Variants in SSBP2 observed in about 807,000 individuals in gnomAD.
SSBP2 encodes the protein single-stranded DNA-binding protein 2.
Under a neutral mutation model 61.8 loss-of-function variants are expected in SSBP2, and 17 were observed. The observed-to-expected ratio is 0.28, with a 90% confidence interval of 0.19 to 0.41. The LOEUF is 0.41. Among genes scored for constraint, SSBP2 ranks in the 10% least tolerant of loss-of-function variants. The probability of loss-of-function intolerance (pLI) is 1.00; values close to 1 mark genes in which losing one functional copy is unlikely to be tolerated. For missense variants in SSBP2, 310 were observed against 458.7 expected, an observed-to-expected ratio of 0.68 and a Z score of 2.96; for synonymous variants, 139 against 141.3, an observed-to-expected ratio of 0.98 and a Z score of 0.12.
intron 14 of SSBP2, 164 bp from the exon 15 acceptor site, chr5:81,437,622 G>C: frequency 1.9e-6 from 1 of 514,460 alleles, no homozygotes; most frequent in Non-Finnish European, 3.4e-6. Flanking sequence ...ACAGTATAGT[G>C]AATCAGTACC....
intron 1 of SSBP2, among the ~76,000 whole-genome samples, chr5:81,683,038 C>A (rs1561687941): frequency 6.6e-6 from 1 of 152,088 alleles, no homozygotes; most frequent in South Asian, 2.1e-4. Flanking sequence ...GAGAGCGATA[C>A]CATGTTCATG....
chr5:81,585,997 AG>A (rs1286940131), intron 4 of SSBP2, among the ~76,000 whole-genome samples: 1 of 152,176 alleles, frequency 6.6e-6, no homozygotes, highest in Non-Finnish European at 1.5e-5. Context: ...AAGGCTGACT[AG>A]TATTTCATTA....
At chr5:81,581,608 T>G (rs1774654260) in intron 4 of SSBP2, among the ~76,000 whole-genome samples, 1 of 152,206 alleles carries the variant, frequency 6.6e-6, no homozygotes, top group Non-Finnish European at 1.5e-5. Flanking sequence ...TGTAGCTCCT[T>G]ATTGCCTAAA....
intron 3 of SSBP2, among the ~76,000 whole-genome samples, chr5:81,619,581 G>A (rs1358177429): frequency 6.8e-6 from 1 of 147,734 alleles, no homozygotes; most frequent in African/African-American, 2.5e-5. Context: ...AGAAAAAGAG[G>A]GAATCCTCCC....
At chr5:81,464,072 A>G (rs1764731303) in intron 9 of SSBP2, among the ~76,000 whole-genome samples, 1 of 152,064 alleles carries the variant, frequency 6.6e-6, no homozygotes, top group Admixed American at 6.6e-5. Flanking sequence ...CTTGGCCTGA[A>G]AAATCCTCTT....
At chr5:81,541,484 C>T (rs1771267273) in intron 4 of SSBP2, among the ~76,000 whole-genome samples, 1 of 144,130 alleles carries the variant, frequency 6.9e-6, no homozygotes, top group Admixed American at 6.9e-5. Flanking sequence ...TGAAAAAAAA[C>T]AAAGCCAGAG....
intron 15 of SSBP2, among the ~76,000 whole-genome samples, chr5:81,429,257 T>C (rs1204131736): frequency 6.6e-6 from 1 of 152,220 alleles, no homozygotes; most frequent in African/African-American, 2.4e-5. Flanking sequence ...TATGTACTCT[T>C]AGAGGAAAAG....
chr5:81,592,233 A>T (rs1775571575), intron 4 of SSBP2, among the ~76,000 whole-genome samples: 1 of 152,226 alleles, frequency 6.6e-6, no homozygotes, highest in Admixed American at 6.5e-5. Flanking sequence ...AGTCTCGCTC[A>T]TTGCTAGCAC....
intron 4 of SSBP2, 30 bp from the exon 5 acceptor site, chr5:81,513,747 T>C (rs757094244): frequency 2.0e-6 from 3 of 1,484,706 alleles, no homozygotes; most frequent in Admixed American, 3.5e-5. Flanking sequence ...AACAAACCTA[T>C]ATCATTACAG....
At chr5:81,522,135 A>C (rs908010946) in intron 4 of SSBP2, among the ~76,000 whole-genome samples, 1 of 152,072 alleles carries the variant, frequency 6.6e-6, no homozygotes, top group African/African-American at 2.4e-5. Flanking sequence ...AAAGTAACCC[A>C]AAAATTCATC....
At chr5:81,422,785 A>G (rs1761692889) in intron 16 of SSBP2, among the ~76,000 whole-genome samples, 2 of 152,238 alleles carry the variant, frequency 1.3e-5, no homozygotes, top group African/African-American at 4.8e-5. Flanking sequence ...GTCATAGACA[A>G]ATGCTGATGA....
At position 81,527,238 on chromosome 5, in the gene SSBP2, T is replaced by C. The variant is rs528428433; in HGVS notation, c.283-13521A>G. On this transcript the variant is annotated intron_variant, in intron 4 of 16. Transcript: ENST00000320672. ...TTTTTAAATAGATAACTCTGGTAGC[T>C]CTTTGAGAAAATGAAATAGACAAGA... 5.3e-5 allele frequency among the ~76,000 whole-genome samples: 8 copies of C among 152,156 alleles called. No individual in the cohort carries two copies. The South Asian group carries it at 1.5e-3, about 28-fold the overall frequency.
chr5:81,521,775 G>C (rs1038290512), intron 4 of SSBP2, among the ~76,000 whole-genome samples: 2 of 151,850 alleles, frequency 1.3e-5, no homozygotes, highest in Non-Finnish European at 2.9e-5. Context: ...GGAAAGTTGG[G>C]GAAAATCTTT....
intron 6 of SSBP2, among the ~76,000 whole-genome samples, chr5:81,485,346 T>C (rs574060735): frequency 1.3e-5 from 2 of 152,302 alleles, no homozygotes; most frequent in African/African-American, 4.8e-5. Flanking sequence ...TACAACATAG[T>C]GACATTATAT....
intron 10 of SSBP2, among the ~76,000 whole-genome samples, chr5:81,452,526 A>G (rs996233551): frequency 6.6e-6 from 1 of 152,214 alleles, no homozygotes; most frequent in Non-Finnish European, 1.5e-5. Flanking sequence ...GATGATAAAG[A>G]GTGATAGGCA....
intron 3 of SSBP2, among the ~76,000 whole-genome samples, chr5:81,629,709 T>G (rs1747514014): frequency 6.6e-6 from 1 of 152,196 alleles, no homozygotes; most frequent in African/African-American, 2.4e-5. Context: ...TTTATAGAGG[T>G]ATGGTTGACA....
chr5:81,713,616 T>A (rs919685045), intron 1 of SSBP2, among the ~76,000 whole-genome samples: 7 of 152,006 alleles, frequency 4.6e-5, no homozygotes, highest in Admixed American at 1.3e-4. Context: ...TACCAGATTA[T>A]CCTAAACAGA....
intron 1 of SSBP2, among the ~76,000 whole-genome samples, chr5:81,682,777 C>T (rs1242209742): frequency 6.6e-6 from 1 of 151,812 alleles, no homozygotes; most frequent in Non-Finnish European, 1.5e-5. Context: ...AAAGAATAAA[C>T]AAAAAAACAC....
rs1209439967 is a variant in SSBP2 at position 81,499,365 on chromosome 5, ATAT to A, written c.373-10059_373-10057del. On this transcript the variant is annotated intron_variant, in intron 5 of 16. Transcript: ENST00000320672. ...GTCTAAGCATCAATATTGGCCGCTG[ATAT>A]TATGAGCTTTTTCAAGAAGATGAGA... Among the ~76,000 whole-genome samples the A allele has an allele frequency of 3.9e-5, 6 of 152,302 alleles. No individual in the cohort carries two copies. In the East Asian group the frequency reaches 9.6e-4, roughly 24 times the overall value.
Sources: gnomAD v4.1 joint callset for allele counts (sites outside exome capture counted in the v4.1 genomes callset) on GRCh38, gnomAD v4.1.1 for gene constraint, MANE v1.5 for transcripts, NCBI Gene and HGNC (gene_info 2026-07-23, HGNC 2026-07-21) for gene names.